C7orf33: variants seen among roughly 807,000 people sequenced by gnomAD.
C7orf33 encodes uncharacterized protein C7orf33.
Under a neutral mutation model 13.4 loss-of-function variants are expected in C7orf33, and 15 were observed. The observed-to-expected ratio is 1.12, with a 90% CI of 0.75 to 1.72. The LOEUF is 1.72. Ranked by LOEUF, C7orf33 falls within the 40% of genes most tolerant of loss-of-function variation. The probability of loss-of-function intolerance (pLI) is 0.00; values close to 1 mark genes in which losing one functional copy is unlikely to be tolerated. For synonymous variants in C7orf33, 73 were observed against 83.2 expected (o/e 0.88, Z 0.67); for missense variants, 187 against 220.3 (o/e 0.85, Z 0.96).
chr7:148,597,957 G>A, intron 1 of C7orf33, among the ~76,000 whole-genome samples: 5 of 152,046 alleles, frequency 3.3e-5, no homozygotes. Context: ...GGGTTTCACT[G>A]TGTTAGCCAG....
chr7:148,606,923 A>C (rs961056101), intron 1 of C7orf33, among the ~76,000 whole-genome samples: 1 of 50,808 alleles, frequency 2.0e-5, no homozygotes, highest in East Asian at 6.3e-4. Flanking sequence ...GACCCCATTT[A>C]AAAAAAAAAT....
At chr7:148,608,254 C>T (rs955093786) in intron 1 of C7orf33, among the ~76,000 whole-genome samples, 6 of 151,966 alleles carry the variant, frequency 3.9e-5, no homozygotes, top group Non-Finnish European at 8.8e-5. Flanking sequence ...ATGGTGAAAC[C>T]CCGTCTCCAC....
intron 1 of C7orf33, among the ~76,000 whole-genome samples, chr7:148,597,707 T>C (rs1015900022): frequency 7.9e-5 from 12 of 152,082 alleles, no homozygotes; most frequent in Non-Finnish European, 1.5e-4. Context: ...CTGAATTCAT[T>C]GTGGATCATT....
At chr7:148,612,080 G>A (rs6955192) in intron 1 of C7orf33, among the ~76,000 whole-genome samples, 72,790 of 152,150 alleles carry the variant, frequency 0.48, 18,773 homozygotes, top group African/African-American at 0.66. Flanking sequence ...TGCACTATCA[G>A]TGCCTCTATA....
intron 2 of C7orf33, 118 bp from the exon 3 acceptor site, chr7:148,615,209 G>A: frequency 2.9e-6 from 2 of 695,500 alleles, no homozygotes; most frequent in South Asian, 3.2e-5. Flanking sequence ...AAAGTGCTGG[G>A]ATTACAGGCA....
intron 1 of C7orf33, among the ~76,000 whole-genome samples, chr7:148,604,072 G>T (rs1796445893): frequency 6.6e-6 from 1 of 150,784 alleles, no homozygotes; most frequent in Admixed American, 6.6e-5. Flanking sequence ...AAAAAGGAAT[G>T]AAATAACAAC....
chr7:148,593,948 T>A (rs1796298984), intron 1 of C7orf33, among the ~76,000 whole-genome samples: 1 of 152,222 alleles, frequency 6.6e-6, no homozygotes, highest in South Asian at 2.1e-4. Context: ...CGCCATCCTC[T>A]TGGTGCTGTC....
intron 1 of C7orf33, among the ~76,000 whole-genome samples, chr7:148,595,339 G>T (rs1218231841): frequency 2.2e-5 from 3 of 133,346 alleles, no homozygotes; most frequent in Non-Finnish European, 3.1e-5. Flanking sequence ...ATATAATATA[G>T]ATCTATATTA....
chr7:148,599,631 C>T (rs1013090478), intron 1 of C7orf33, among the ~76,000 whole-genome samples: 7 of 151,988 alleles, frequency 4.6e-5, no homozygotes, highest in Non-Finnish European at 7.4e-5. Context: ...CGCACCATCA[C>T]GTCCTGCTAA....
At chr7:148,612,199 A>C (rs990234481) in intron 1 of C7orf33, among the ~76,000 whole-genome samples, 1 of 150,980 alleles carries the variant, frequency 6.6e-6, no homozygotes, top group African/African-American at 2.5e-5. Context: ...GAAGTTAGCC[A>C]GTGATTTTTT....
rs376935596 is a variant in C7orf33, at chr7:148,591,117, G to T, written c.192G>T (p.Thr64=). The change falls in exon 1 of 3, where the codon ACG becomes ACT. Residue 64 remains threonine (T), a synonymous_variant. Transcript: ENST00000307003. ...GTCAATTTAACTTGTCATATGCCAC[G>T]GGAAGACATAAGGTAAGTTAATGAT... is the stretch of plus-strand genomic sequence containing the variant. ...GPGQFNLSYA[T]GRHKKPNPHQ... 1 of 1,613,274 alleles carries T rather than the reference G, an allele frequency of 6.2e-7. No individual in the cohort carries two copies. Among genetic ancestry groups the T allele is most frequent in the Non-Finnish European group, 8.5e-7 (1 of 1,179,546 alleles).
Position 148,615,294 on chromosome 7 carries a change from G to T in C7orf33, c.460-33G>T, listed in dbSNP as rs1165075134. 4.8e-6 allele frequency: 7 copies of T among 1,445,468 alleles called. No homozygotes were observed. In the South Asian group the frequency reaches 6.8e-5, roughly 14 times the overall value. 89.5% of individuals were successfully genotyped at this position (1,445,468 alleles called of 1,614,324 possible). On this transcript the variant is annotated intron_variant, in intron 2 of 2. Coordinates refer to ENST00000307003, the MANE Select transcript of C7orf33 (RefSeq NM_145304.4). ...TTCTAGGGAAAAGGTAAATCATCCT[G>T]AGATAACAGAAGTCTTCGTAATCCA...
intron 1 of C7orf33, among the ~76,000 whole-genome samples, chr7:148,613,030 A>G (rs552547563): frequency 3.9e-5 from 6 of 152,276 alleles, no homozygotes; most frequent in African/African-American, 1.4e-4. Flanking sequence ...TTTTGAGAAT[A>G]TAGAATAAAT....
chr7:148,615,065 T>C (rs1796586054), intron 2 of C7orf33, among the ~76,000 whole-genome samples: 1 of 152,166 alleles, frequency 6.6e-6, no homozygotes, highest in Admixed American at 6.6e-5. Flanking sequence ...AAAATTTTTA[T>C]CTATTTACTT....
At position 148,614,157 on chromosome 7, in the gene C7orf33, A is replaced by G; in HGVS notation, c.320A>G (p.Gln107Arg). 1 of 1,614,222 alleles carries G rather than the reference A, an allele frequency of 6.2e-7. No homozygotes were observed. Among genetic ancestry groups the G allele is most frequent in the African/African-American group, 1.3e-5 (1 of 75,056 alleles). Residue 107 changes from glutamine (Q) to arginine (R), a missense_variant, in exon 2 of 3, where the codon CAG (glutamine) becomes CGG (arginine). Transcript: ENST00000307003. ...CTTTCTCAAGGTCCCACGGATGCCC[A>G]GAGAGCAGTCAGAATCAGGCCAGGC... is the stretch of plus-strand genomic sequence containing the variant. ...HFLSQGPTDA[Q>R]RAVRIRPGTR...
In C7orf33 at chr7:148,604,178, G is replaced by C. The variant is rs189769715; in HGVS notation, c.205-9864G>C. 5.0e-3 allele frequency among the ~76,000 whole-genome samples: 749 copies of C among 150,410 alleles called. 3 individuals are homozygous for C. The highest frequency in any genetic ancestry group is 8.3e-3 in the Non-Finnish European group (561 of 67,830). On this transcript the variant is annotated intron_variant, in intron 1 of 2. Transcript: ENST00000307003. ...GTCTCACTCTGTTGCCCAGACTGGA[G>C]TGCAGCGGCACAATCTCAGCTCACT...
intron 1 of C7orf33, among the ~76,000 whole-genome samples, chr7:148,598,787 G>T (rs1481666336): frequency 1.7e-4 from 24 of 138,280 alleles, no homozygotes; most frequent in Admixed American, 2.2e-4. Context: ...GAGAGAGAGA[G>T]AGAGAGAGAG....
At position 148,590,805 on chromosome 7, in the gene C7orf33, C is replaced by A. The variant is rs1796257149; in HGVS notation, c.-121C>A. 2 of 902,922 alleles carry A rather than the reference C, an allele frequency of 2.2e-6. No individual in the cohort carries two copies. Among genetic ancestry groups the A allele is most frequent in the African/African-American group, 3.3e-5 (2 of 60,898 alleles). 55.9% of individuals were successfully genotyped at this position (902,922 alleles called of 1,614,324 possible). Reference sequence around the variant, plus strand: ...CAATCCAGTGGTCAGGAGCGAGGCGCCCAGCCTGTGTCTGAATCCTCCTAC... The same window carrying A: ...CAATCCAGTGGTCAGGAGCGAGGCGACCAGCCTGTGTCTGAATCCTCCTAC... On this transcript the variant is annotated 5_prime_UTR_variant, in exon 1 of 3. Transcript: ENST00000307003.
rs1008445275 is a variant in C7orf33 at position 148,615,739 on chromosome 7, G to A, written c.*338G>A. On this transcript the variant is annotated 3_prime_UTR_variant, in exon 3 of 3. Transcript: ENST00000307003. ...TGTTTCCCTGACCATTGTCTGCTGT[G>A]TGCTCCCGATGATGAGACTCTAGAG... 1.2e-4 allele frequency: 27 copies of A among 232,424 alleles called. No individual in the cohort carries two copies. The highest frequency in any genetic ancestry group is 5.5e-4 in the African/African-American group (25 of 45,104). 14.4% of individuals were successfully genotyped at this position (232,424 alleles called of 1,614,324 possible).
Sources: allele counts gnomAD v4.1 joint callset (sites outside exome capture counted in the v4.1 genomes callset), GRCh38; gene constraint gnomAD v4.1.1; transcripts MANE v1.5; gene names NCBI Gene and HGNC (gene_info 2026-07-23, HGNC 2026-07-21).